The following EIF4E1B variants were observed in gnomAD, a reference collection of about 807,000 sequenced individuals.
The protein encoded by EIF4E1B is eukaryotic translation initiation factor 4E type 1B.
In EIF4E1B, 22 loss-of-function variants were observed where a neutral mutation model predicts 31.3. The observed-to-expected ratio is 0.70, with a 90% confidence interval of 0.50 to 1.00. EIF4E1B has a LOEUF of 1.00. Among genes scored for constraint, EIF4E1B ranks in the 50% least tolerant of loss-of-function variants. EIF4E1B has a pLI of 0.00. For missense variants in EIF4E1B, 290 were observed against 311.6 expected (o/e 0.93, Z 0.52); for synonymous variants, 126 against 120.2 (o/e 1.05, Z -0.31).
At chr5:176,634,347 G>A (rs182436184) in intron 1 of EIF4E1B, among the ~76,000 whole-genome samples, 22 of 152,260 alleles carry the variant, frequency 1.4e-4, no homozygotes, top group African/African-American at 4.8e-4. Context: ...GGCGGGAAAA[G>A]GGTAGGCAGG....
rs188817830 is a variant in EIF4E1B, at chr5:176,642,374, C to T, written c.-79+209C>T. 2.5e-3 allele frequency among the ~76,000 whole-genome samples: 388 copies of T among 152,350 alleles called. 5 individuals carry two copies. Among genetic ancestry groups the T allele is most frequent in the Admixed American group, 2.1e-3 (32 of 15,306 alleles). On this transcript the variant is annotated intron_variant, in intron 2 of 8. Transcript: ENST00000318682. ...TCAGATGCCACTGGGTATGGTGGCT[C>T]ATGCCAGTAATCCCAGCACTTTGGG...
chr5:176,636,007 G>T (rs1760486169), intron 1 of EIF4E1B, among the ~76,000 whole-genome samples: 1 of 152,156 alleles, frequency 6.6e-6, no homozygotes, highest in East Asian at 1.9e-4. Context: ...AGTAGAGACG[G>T]GGTTTCACCT....
At chr5:176,642,848 C>CCA in intron 3 of EIF4E1B, 46 bp downstream of exon 3, 2 of 1,345,606 alleles carry the variant, frequency 1.5e-6, no homozygotes, top group African/African-American at 2.1e-5. Flanking sequence ...TGGCCCCGCC[C>CCA]TCTCCCCCCC....
rs561324254 is a variant in EIF4E1B at position 176,645,989 on chromosome 5, T to C, written c.*9T>C. On this transcript the variant is annotated 3_prime_UTR_variant, in exon 9 of 9. Coordinates refer to ENST00000318682, the MANE Select transcript of EIF4E1B (RefSeq NM_001099408.2). This position sits in a 1 kb window ranked among gnomAD's most constrained non-coding sequence, Gnocchi z 5.4. ...ACAAGTTTGTGGTGTGAGGGGGGCCTTGGCACCCCTCCTATGTAATGGGAC... is the reference window on the plus strand; with the variant it reads ...ACAAGTTTGTGGTGTGAGGGGGGCCCTGGCACCCCTCCTATGTAATGGGAC... The C allele has an allele frequency of 6.3e-7, 1 of 1,583,944 alleles. No homozygotes were observed. The highest frequency in any genetic ancestry group is 1.8e-5 in the Admixed American group (1 of 56,028).
At chr5:176,634,015 C>T (rs1340448891) in intron 1 of EIF4E1B, among the ~76,000 whole-genome samples, 1 of 152,114 alleles carries the variant, frequency 6.6e-6, no homozygotes, top group African/African-American at 2.4e-5. Flanking sequence ...GTGAACATCA[C>T]TTGGGAGTAA....
chr5:176,632,412 C>T (rs1351193044), intron 1 of EIF4E1B, among the ~76,000 whole-genome samples: 6 of 152,138 alleles, frequency 3.9e-5, no homozygotes, highest in East Asian at 1.9e-4. Flanking sequence ...TGTGCCACCA[C>T]GCCCAGCTAA....
At chr5:176,631,303 A>T (rs1294798180) in intron 1 of EIF4E1B, among the ~76,000 whole-genome samples, 1 of 152,202 alleles carries the variant, frequency 6.6e-6, no homozygotes. Flanking sequence ...GGAGGTGGAG[A>T]ACAAAACCAC....
Position 176,633,380 on chromosome 5 carries a change from C to T in EIF4E1B, c.-202+2316C>T, listed in dbSNP as rs187197058. Among the ~76,000 whole-genome samples, 12 of 152,210 alleles carry T rather than the reference C, an allele frequency of 7.9e-5. No individual in the cohort carries two copies. The East Asian group carries it at 9.6e-4, about 12-fold the overall frequency. On this transcript the variant is annotated intron_variant, in intron 1 of 8. Coordinates refer to ENST00000318682, the MANE Select transcript of EIF4E1B (RefSeq NM_001099408.2). ...CTTTCAGTAGATGAGACTACAGGTG[C>T]GTGCCACCATGCCAGGCTAATTTAA... is the stretch of plus-strand genomic sequence containing the variant.
In EIF4E1B at chr5:176,646,121, A is replaced by G. The variant is rs73332168; in HGVS notation, c.*141A>G. 360 of 710,570 alleles carry G rather than the reference A, an allele frequency of 5.1e-4. 3 individuals are homozygous for G. In the African/African-American group the frequency reaches 5.7e-3, roughly 11 times the overall value. The allele number at this position is 710,570 out of a possible 1,614,324, so 44.0% of individuals were successfully genotyped here. On this transcript the variant is annotated 3_prime_UTR_variant, in exon 9 of 9. Transcript: ENST00000318682. ...AACAGGAATGCAAACACTCTTTAACATGAGTTGGGGCCTGAGCCTTAGGGG... is the reference window on the plus strand; with the variant it reads ...AACAGGAATGCAAACACTCTTTAACGTGAGTTGGGGCCTGAGCCTTAGGGG...
In EIF4E1B at chr5:176,638,159, T is replaced by C. The variant is rs1239162643; in HGVS notation, c.-201-3884T>C. Reference sequence around the variant, plus strand: ...GACATGGTAGCTCTGAGATGCATAGTAGATACCCAGATGGAGCTGTCGGGC... The same window carrying C: ...GACATGGTAGCTCTGAGATGCATAGCAGATACCCAGATGGAGCTGTCGGGC... On this transcript the variant is annotated intron_variant, in intron 1 of 8. Transcript: ENST00000318682. This position sits in a 1 kb window ranked among gnomAD's most constrained non-coding sequence, Gnocchi z 4.3. Among the ~76,000 whole-genome samples the C allele has an allele frequency of 1.3e-5, 2 of 152,156 alleles. No individual in the cohort carries two copies. Among genetic ancestry groups the C allele is most frequent in the African/African-American group, 2.4e-5 (1 of 41,416 alleles).
At position 176,645,373 on chromosome 5, in the gene EIF4E1B, C is replaced by A; in HGVS notation, c.475-4C>A. The A allele has an allele frequency of 6.5e-7, 1 of 1,533,564 alleles. No individual in the cohort carries two copies. The highest frequency in any genetic ancestry group is 1.4e-5 in the African/African-American group (1 of 72,644). The allele number at this position is 1,533,564 out of a possible 1,614,324, so 95.0% of individuals were successfully genotyped here. A position where few individuals can be genotyped will look rare whatever the true frequency, so the allele number is the denominator to read the frequency against. ...GATCTCACAACCCCCTACTTCGGGT[C>A]CAGCTGCTGTGTCTGATCGGGGAGA... is the stretch of plus-strand genomic sequence containing the variant. On this transcript the variant is annotated splice_polypyrimidine_tract_variant and splice_region_variant and intron_variant, in intron 7 of 8. Coordinates refer to ENST00000318682, the MANE Select transcript of EIF4E1B (RefSeq NM_001099408.2). This position sits in a 1 kb window ranked among gnomAD's most constrained non-coding sequence, Gnocchi z 5.4.
At position 176,638,938 on chromosome 5, in the gene EIF4E1B, C is replaced by A. The variant is rs1760536056; in HGVS notation, c.-201-3105C>A. On this transcript the variant is annotated intron_variant, in intron 1 of 8. Coordinates refer to ENST00000318682, the MANE Select transcript of EIF4E1B (RefSeq NM_001099408.2). The surrounding 1 kb of genome is among the most constrained non-coding windows in gnomAD (Gnocchi z 4.3). ...TACAGGTGCCTGCCACCATGCCCAA[C>A]TAGTTTTGTTGCTGTTGTTGTTTGT... Among the ~76,000 whole-genome samples the A allele has an allele frequency of 6.6e-6, 1 of 152,158 alleles. No individual in the cohort carries two copies. The highest frequency in any genetic ancestry group is 6.5e-5 in the Admixed American group (1 of 15,276).
At position 176,646,075 on chromosome 5, in the gene EIF4E1B, G is replaced by C; in HGVS notation, c.*95G>C. On this transcript the variant is annotated 3_prime_UTR_variant, in exon 9 of 9. Transcript: ENST00000318682. ...GCGGGACTGGGGATCAGACAGCCTA[G>C]TTCTTACCTGTCCTCAAGTGAACAG... 2 of 1,040,542 alleles carry C rather than the reference G, an allele frequency of 1.9e-6. No homozygotes were observed. Among genetic ancestry groups the C allele is most frequent in the Non-Finnish European group, 2.9e-6 (2 of 700,686 alleles). 64.5% of individuals were successfully genotyped at this position (1,040,542 alleles called of 1,614,324 possible). A position where few individuals can be genotyped will look rare whatever the true frequency, so the allele number is the denominator to read the frequency against.
chr5:176,633,758 A>G (rs1277420571), intron 1 of EIF4E1B, among the ~76,000 whole-genome samples: 1 of 152,238 alleles, frequency 6.6e-6, no homozygotes, highest in Non-Finnish European at 1.5e-5. Context: ...GGAGGAAGAG[A>G]GAAAGAAGAT....
In EIF4E1B at chr5:176,646,199, A is replaced by AG. The variant is rs1433361411; in HGVS notation, c.*221dup. ...AGGACCTAGCTTGTCCTGGGGCCACAGGACAGCAGCAGGGTGGAAAAAACT... is the reference window on the plus strand; with the variant it reads ...AGGACCTAGCTTGTCCTGGGGCCACAGGGACAGCAGCAGGGTGGAAAAAACT... On this transcript the variant is annotated 3_prime_UTR_variant, in exon 9 of 9. Transcript: ENST00000318682. The AG allele has an allele frequency of 6.0e-6, 3 of 496,294 alleles. No homozygotes were observed. The allele number at this position is 496,294 out of a possible 1,614,324, so 30.7% of individuals were successfully genotyped here.
intron 1 of EIF4E1B, among the ~76,000 whole-genome samples, chr5:176,635,218 A>G (rs1760474145): frequency 1.3e-5 from 2 of 152,020 alleles, no homozygotes; most frequent in South Asian, 4.1e-4. Flanking sequence ...AAGAAGGACA[A>G]GCTGAAGAGA....
At chr5:176,637,529 G>A (rs1760514218) in intron 1 of EIF4E1B, among the ~76,000 whole-genome samples, 2 of 152,196 alleles carry the variant, frequency 1.3e-5, no homozygotes, top group Admixed American at 1.3e-4. Flanking sequence ...GGTGACAAAT[G>A]CTGGGGGCAG....
intron 2 of EIF4E1B, among the ~76,000 whole-genome samples, chr5:176,642,490 AAAAC>A (rs1460552570): frequency 2.0e-5 from 3 of 152,314 alleles, no homozygotes; most frequent in African/African-American, 4.8e-5. Context: ...ATTTTATTTA[AAAAC>A]AAACAAACAA....
chr5:176,635,120 C>T (rs934091388), intron 1 of EIF4E1B, among the ~76,000 whole-genome samples: 4 of 151,878 alleles, frequency 2.6e-5, no homozygotes, highest in Non-Finnish European at 5.9e-5. Context: ...AGAGAGTGCC[C>T]GGAACAGACT....
Sources: gnomAD v4.1 joint callset for allele counts (sites outside exome capture counted in the v4.1 genomes callset) on GRCh38, gnomAD v4.1.1 for gene constraint, Gnocchi (gnomAD v3.1) non-coding constraint, MANE v1.5 for transcripts, NCBI Gene and HGNC (gene_info 2026-07-23, HGNC 2026-07-21) for gene names.